Variants in DMD observed in about 807,000 individuals in gnomAD.
DMD encodes dystrophin, also known as mutant dystrophin.
DMD carries 63 observed loss-of-function variants against 330.1 expected under a neutral mutation model. The observed-to-expected ratio is 0.19, with a 90% CI of 0.16 to 0.24. DMD has a LOEUF of 0.24. Ranked by LOEUF, DMD falls within the 10% of genes least tolerant of loss-of-function variation. The pLI is 1.00. For missense variants in DMD, 3,344 were observed against 2,684.1 expected, an observed-to-expected ratio of 1.25 and a Z score of -5.43; for synonymous variants, 1,223 against 959.8, an observed-to-expected ratio of 1.27 and a Z score of -5.07.
At chrX:32,296,867 A>G (rs2097498867) in intron 42 of DMD, among the ~76,000 whole-genome samples, 1 of 112,332 alleles carries the variant, frequency 8.9e-6, no homozygotes, top group African/African-American at 3.2e-5. Flanking sequence ...TTTGAAATAT[A>G]TTGAACTTTA....
intron 1 of DMD, among the ~76,000 whole-genome samples, chrX:33,102,946 C>T (rs1006292459): frequency 9.0e-6 from 1 of 111,494 alleles, no homozygotes; most frequent in Non-Finnish European, 1.9e-5. Context: ...AGCATATAAG[C>T]GAATTAAAGT....
rs1237310630 is a variant in DMD at position 32,375,215 on chromosome X, C to CA, written c.4845+5294dup. Among the ~76,000 whole-genome samples, 4 of 110,460 alleles carry CA rather than the reference C, an allele frequency of 3.6e-5. No individual in the cohort carries two copies. The Admixed American group carries it at 3.9e-4, about 11-fold the overall frequency. ...TGATAAGAATCTGTCGATCATGCTT[C>CA]AATGTAGATAATAAAGAAAAAAAAA... On this transcript the variant is annotated intron_variant, in intron 34 of 78. Coordinates refer to ENST00000357033, the MANE Select transcript of DMD (RefSeq NM_004006.3).
intron 63 of DMD, among the ~76,000 whole-genome samples, chrX:31,226,162 C>G (rs2141758): frequency 0.34 from 37,162 of 110,557 alleles, 6,433 homozygotes; most frequent in African/African-American, 0.68. Flanking sequence ...TCTGTGAATC[C>G]GAATCAATAT....
intron 2 of DMD, among the ~76,000 whole-genome samples, chrX:32,875,376 T>C (rs750591679): frequency 7.0e-4 from 79 of 112,165 alleles, no homozygotes; most frequent in Non-Finnish European, 1.1e-4. Context: ...CCTACACTGC[T>C]ATAACCTTAG....
At chrX:31,876,517 T>G (rs1386486885) in intron 47 of DMD, among the ~76,000 whole-genome samples, 1 of 111,149 alleles carries the variant, frequency 9.0e-6, no homozygotes, top group East Asian at 2.8e-4. Context: ...ATAAAGTTAT[T>G]AAGTAGCAGT....
intron 77 of DMD, among the ~76,000 whole-genome samples, chrX:31,127,765 C>A (rs1224354194): frequency 1.8e-5 from 2 of 111,353 alleles, no homozygotes; most frequent in Non-Finnish European, 3.8e-5. Context: ...CAATAGAAAC[C>A]TTTCAAAACT....
rs3040089 is a variant in DMD at position 32,173,066 on chromosome X, GGTGTGTGTGT to G, written c.6438+43840_6438+43849del. On this transcript the variant is annotated intron_variant, in intron 44 of 78. Coordinates refer to ENST00000357033, the MANE Select transcript of DMD (RefSeq NM_004006.3). ...TTTTCAGCTTGTGATACCTGATTTT[GGTGTGTGTGT>G]GTGTGTGTGTGTGTGTGTGTGTGTG... Among the ~76,000 whole-genome samples the G allele has an allele frequency of 3.0e-3, 268 of 89,617 alleles. 10 individuals are homozygous for G. In the East Asian group the frequency reaches 0.085, roughly 28 times the overall value. The allele number at this position is 89,617 out of a possible 115,157, so 77.8% of individuals were successfully genotyped here. A position where few individuals can be genotyped will look rare whatever the true frequency, so the allele number is the denominator to read the frequency against.
At chrX:31,538,366 T>C (rs12007272) in intron 55 of DMD, among the ~76,000 whole-genome samples, 5,733 of 112,068 alleles carry the variant, frequency 0.051, 199 homozygotes, top group African/African-American at 0.13. Context: ...CAACCTGTAG[T>C]AGTTACTTGT....
chrX:31,249,727 A>G (rs903263430), intron 63 of DMD, among the ~76,000 whole-genome samples: 2 of 111,100 alleles, frequency 1.8e-5, no homozygotes, highest in Admixed American at 1.9e-4. Flanking sequence ...AAATGTGAAG[A>G]CCTAAACCTA....
chrX:31,523,739 C>T (rs986871444), intron 55 of DMD, among the ~76,000 whole-genome samples: 1 of 112,037 alleles, frequency 8.9e-6, no homozygotes, highest in Non-Finnish European at 1.9e-5. Flanking sequence ...TCGGGGAAAG[C>T]GGAGGTAGGG....
chrX:32,202,174 T>C (rs755898055), intron 44 of DMD, among the ~76,000 whole-genome samples: 5 of 111,289 alleles, frequency 4.5e-5, no homozygotes, highest in Non-Finnish European at 9.4e-5. Flanking sequence ...CCGTGCAGTA[T>C]AGTCTCCTTT....
At chrX:32,022,619 G>A (rs917109471) in intron 44 of DMD, among the ~76,000 whole-genome samples, 4 of 111,888 alleles carry the variant, frequency 3.6e-5, no homozygotes, top group Non-Finnish European at 7.5e-5. Flanking sequence ...GAAGAGAAAC[G>A]TGGGTATACA....
At chrX:31,299,491 G>A (rs1228052019) in intron 62 of DMD, among the ~76,000 whole-genome samples, 2 of 111,800 alleles carry the variant, frequency 1.8e-5, no homozygotes, top group South Asian at 3.8e-4. Flanking sequence ...TTAGAAAATA[G>A]GGTAGGCTGG....
intron 76 of DMD, among the ~76,000 whole-genome samples, chrX:31,143,731 T>C (rs1157214450): frequency 8.9e-6 from 1 of 111,878 alleles, no homozygotes; most frequent in Admixed American, 9.5e-5. Context: ...TTAACGAGTA[T>C]GCTGCCTATT....
chrX:32,010,920 TA>T (rs1229607188), intron 44 of DMD, among the ~76,000 whole-genome samples: 4 of 112,224 alleles, frequency 3.6e-5, no homozygotes, highest in African/African-American at 1.3e-4. Flanking sequence ...CATGAACAAC[TA>T]AAAAACCCCA....
chrX:31,392,539 T>G (rs769398777), intron 60 of DMD, among the ~76,000 whole-genome samples: 1 of 112,241 alleles, frequency 8.9e-6, no homozygotes, highest in Non-Finnish European at 1.9e-5. Flanking sequence ...TTGGGTCTTC[T>G]AATTCTGCAT....
At chrX:32,403,255 A>C (rs1020467200) in intron 30 of DMD, among the ~76,000 whole-genome samples, 2 of 112,098 alleles carry the variant, frequency 1.8e-5, no homozygotes, top group Non-Finnish European at 3.8e-5. Context: ...TGCATAAGAC[A>C]AAATTGGGAA....
At chrX:32,484,880 G>A in intron 21 of DMD, 39 bp downstream of exon 21, 1 of 1,178,289 alleles carries the variant, frequency 8.5e-7, no homozygotes, top group South Asian at 1.8e-5. Context: ...TAACCATTTT[G>A]GAAAATGTCA....
chrX:32,851,776 C>T (rs1003560376), intron 2 of DMD, among the ~76,000 whole-genome samples: 53 of 111,792 alleles, frequency 4.7e-4, no homozygotes, highest in Non-Finnish European at 9.4e-5. Flanking sequence ...TGAAACGTTG[C>T]ATTGGAACCC....
Sources: allele counts gnomAD v4.1 joint callset (sites outside exome capture counted in the v4.1 genomes callset), GRCh38; gene constraint gnomAD v4.1.1; transcripts MANE v1.5; gene names NCBI Gene and HGNC (gene_info 2026-07-23, HGNC 2026-07-21).